Variants in GRM5 observed in about 807,000 individuals in gnomAD.
The protein encoded by GRM5 is glutamate metabotropic receptor 5.
GRM5 carries 19 observed loss-of-function variants against 83.1 expected under a neutral mutation model. That is an observed-to-expected ratio of 0.23 (90% CI 0.16 to 0.34). The LOEUF (loss-of-function observed/expected upper bound fraction) is 0.34. GRM5 is among the 10% of genes least tolerant of loss of function. The pLI, the probability that GRM5 is intolerant of heterozygous loss-of-function variation, is 1.00. For synonymous variants in GRM5, 675 were observed against 633.6 expected, an observed-to-expected ratio of 1.07 and a Z score of -0.98; for missense variants, 1,160 against 1,588.3, an observed-to-expected ratio of 0.73 and a Z score of 4.58.
rs540350295 is a variant in GRM5 at position 88,956,650 on chromosome 11, C to T, written c.661+90562G>A. Among the ~76,000 whole-genome samples the T allele has an allele frequency of 1.3e-4, 20 of 150,842 alleles. No individual in the cohort carries two copies. In the South Asian group the frequency reaches 4.0e-3, roughly 30 times the overall value. On this transcript the variant is annotated intron_variant, in intron 2 of 9. Transcript: ENST00000305447. ...TGAAACCCCGTCTCTACTAAAAATACAAAAAATTAGCCGGGCGCGGTGGCG... is the reference window on the plus strand; with the variant it reads ...TGAAACCCCGTCTCTACTAAAAATATAAAAAATTAGCCGGGCGCGGTGGCG...
intron 3 of GRM5, among the ~76,000 whole-genome samples, chr11:88,729,420 GAAGA>G (rs1941756095): frequency 1.3e-5 from 2 of 151,980 alleles, no homozygotes; most frequent in South Asian, 4.1e-4. Flanking sequence ...TAATGGATAG[GAAGA>G]ATTATATTGT....
At chr11:88,839,272 T>A (rs1428407105) in intron 3 of GRM5, among the ~76,000 whole-genome samples, 1 of 152,180 alleles carries the variant, frequency 6.6e-6, no homozygotes, top group African/African-American at 2.4e-5. Flanking sequence ...TGTCTGAAGA[T>A]CATAAAGCCC....
intron 3 of GRM5, among the ~76,000 whole-genome samples, chr11:88,840,950 C>T (rs931092963): frequency 6.6e-6 from 1 of 152,150 alleles, no homozygotes. Flanking sequence ...AGGAAAATAG[C>T]TCTAAATGTC....
chr11:88,774,434 C>A (rs958482090), intron 3 of GRM5, among the ~76,000 whole-genome samples: 1 of 152,100 alleles, frequency 6.6e-6, no homozygotes, highest in African/African-American at 2.4e-5. Context: ...AATTGAATAC[C>A]CTTTATTTCT....
chr11:89,009,772 G>A (rs1215663370), intron 2 of GRM5, among the ~76,000 whole-genome samples: 9 of 150,432 alleles, frequency 6.0e-5, no homozygotes, highest in African/African-American at 2.2e-4. Flanking sequence ...GTGGTAGCGG[G>A]CGCCTGTAGT....
At chr11:88,629,846 C>T (rs1027338768) in intron 4 of GRM5, among the ~76,000 whole-genome samples, 2 of 152,194 alleles carry the variant, frequency 1.3e-5, no homozygotes, top group African/African-American at 4.8e-5. Context: ...TGTCTAAGTC[C>T]TCTAGTGGCT....
At chr11:88,672,103 G>C (rs771095624) in intron 3 of GRM5, among the ~76,000 whole-genome samples, 49 of 151,970 alleles carry the variant, frequency 3.2e-4, no homozygotes, top group Non-Finnish European at 5.4e-4. Context: ...GCATCTTTAA[G>C]ACTGTCTTGG....
chr11:88,941,964 A>G (rs866029555), intron 2 of GRM5, among the ~76,000 whole-genome samples: 2 of 152,096 alleles, frequency 1.3e-5, no homozygotes, highest in African/African-American at 4.8e-5. Context: ...AAAAATTCAC[A>G]TGAGGAAGAC....
chr11:88,645,243 C>T (rs1939410109), intron 4 of GRM5, among the ~76,000 whole-genome samples: 1 of 152,078 alleles, frequency 6.6e-6, no homozygotes. Context: ...TATCTGTGCT[C>T]AGTGTCTGGA....
intron 2 of GRM5, among the ~76,000 whole-genome samples, chr11:88,966,757 C>A (rs1938980183): frequency 6.6e-6 from 1 of 152,076 alleles, no homozygotes; most frequent in East Asian, 1.9e-4. Flanking sequence ...AAGTCTCCCC[C>A]CTGGGTATGA....
intron 3 of GRM5, among the ~76,000 whole-genome samples, chr11:88,699,649 C>T (rs1488136262): frequency 6.6e-6 from 1 of 152,174 alleles, no homozygotes; most frequent in Non-Finnish European, 1.5e-5. Context: ...CAAATAGAGA[C>T]AACTCTGGAG....
chr11:88,517,009 A>C (rs916993247), intron 9 of GRM5, among the ~76,000 whole-genome samples: 1 of 152,078 alleles, frequency 6.6e-6, no homozygotes, highest in Admixed American at 6.6e-5. Flanking sequence ...TTTCCAGATT[A>C]AGATATTTCC....
chr11:88,891,682 G>A (rs1481042394), intron 2 of GRM5, among the ~76,000 whole-genome samples: 1 of 150,822 alleles, frequency 6.6e-6, no homozygotes, highest in African/African-American at 2.4e-5. Flanking sequence ...GTTTTTAACT[G>A]TAACTACCCT....
At chr11:88,840,272 T>G (rs1565256281) in intron 3 of GRM5, among the ~76,000 whole-genome samples, 2 of 152,208 alleles carry the variant, frequency 1.3e-5, no homozygotes. Context: ...AAAAGCAGTC[T>G]TGAATAACTG....
At chr11:88,969,259 T>C (rs1235882103) in intron 2 of GRM5, among the ~76,000 whole-genome samples, 1 of 152,094 alleles carries the variant, frequency 6.6e-6, no homozygotes. Context: ...TATATGTATA[T>C]ATTTACTTGC....
At chr11:88,645,025 G>T (rs1272614327) in intron 4 of GRM5, among the ~76,000 whole-genome samples, 1 of 152,012 alleles carries the variant, frequency 6.6e-6, no homozygotes. Flanking sequence ...AACCACAATG[G>T]TACATGAATT....
chr11:88,623,787 C>T (rs1402813522), intron 4 of GRM5, among the ~76,000 whole-genome samples: 1 of 152,212 alleles, frequency 6.6e-6, no homozygotes, highest in Admixed American at 6.5e-5. Flanking sequence ...AGCAGAGTTT[C>T]CTGCTGCCTG....
intron 2 of GRM5, among the ~76,000 whole-genome samples, chr11:88,935,029 G>A (rs1217300832): frequency 6.6e-6 from 1 of 151,874 alleles, no homozygotes; most frequent in Admixed American, 6.6e-5. Context: ...GTTGTGATTA[G>A]CAATTTCATT....
intron 2 of GRM5, among the ~76,000 whole-genome samples, chr11:89,009,930 A>AAAAAAC (rs1316250515): frequency 2.2e-4 from 22 of 100,136 alleles, no homozygotes; most frequent in African/African-American, 6.5e-4. Flanking sequence ...AAAAAAAAAA[A>AAAAAAC]CACACACAAA....
Sources: allele counts gnomAD v4.1 joint callset (sites outside exome capture counted in the v4.1 genomes callset), GRCh38; gene constraint gnomAD v4.1.1; transcripts MANE v1.5; gene names NCBI Gene and HGNC (gene_info 2026-07-23, HGNC 2026-07-21).